The following CANX variants were observed in gnomAD, a reference collection of about 807,000 sequenced individuals.
CANX encodes epididymis secretory sperm binding protein.
CANX carries 14 observed loss-of-function variants against 75.7 expected under a neutral mutation model. That is an observed-to-expected ratio of 0.19 (90% CI 0.12 to 0.29). The LOEUF (loss-of-function observed/expected upper bound fraction) is 0.29. Among genes scored for constraint, CANX ranks in the 10% least tolerant of loss-of-function variants. The pLI is 1.00. For missense variants in CANX, 567 were observed against 713.2 expected (o/e 0.79, Z 2.34); for synonymous variants, 227 against 236.9 (o/e 0.96, Z 0.38).
At position 179,683,378 on chromosome 5, in the gene CANX, C is replaced by T. The variant is rs183273062; in HGVS notation, c.-4+4601C>T. Among the ~76,000 whole-genome samples the T allele has an allele frequency of 4.4e-3, 663 of 152,016 alleles. 1 individual carries two copies. The highest frequency in any genetic ancestry group is 6.8e-3 in the Middle Eastern group (2 of 294). On this transcript the variant is annotated intron_variant, in intron 1 of 14. Transcript: ENST00000681674. ...TCGATCTCCTGACCTTGTGATCCGC[C>T]CACCTCAGCCTCCCAAAGTGCTGGG...
At chr5:179,683,160 GCT>G (rs76622714) in intron 1 of CANX, among the ~76,000 whole-genome samples, 61,652 of 151,952 alleles carry the variant, frequency 0.41, 12,578 homozygotes, top group South Asian at 0.56. Flanking sequence ...ACGGAGTCTC[GCT>G]CTGTCGCACA....
At chr5:179,691,328 A>C (rs974396966) in intron 1 of CANX, among the ~76,000 whole-genome samples, 1 of 151,916 alleles carries the variant, frequency 6.6e-6, no homozygotes, top group East Asian at 1.9e-4. Flanking sequence ...CCTGGCCTAT[A>C]TACATTTAAA....
chr5:179,680,016 T>C (rs1268413573), intron 1 of CANX, among the ~76,000 whole-genome samples: 1 of 148,194 alleles, frequency 6.7e-6, no homozygotes, highest in East Asian at 2.0e-4. Context: ...TTTCACCTTA[T>C]TGGCCAGGCT....
At chr5:179,698,865 G>A (rs924805726), upstream of CANX, 3 of 1,085,062 alleles carry the variant, frequency 2.8e-6, no homozygotes, top group Admixed American at 4.0e-5. Context: ...CCGGATGTCG[G>A]GGCTTGCGCG....
chr5:179,679,371 TCTCAC>T (rs1177585805), intron 1 of CANX: 1 of 978,958 alleles, frequency 1.0e-6, no homozygotes, highest in East Asian at 2.7e-5. Context: ...TGCGGCTGTG[TCTCAC>T]CAGCTGCTGG....
intron 1 of CANX, chr5:179,700,920 T>G (rs1376979459): frequency 2.0e-5 from 3 of 150,810 alleles, no homozygotes; most frequent in Non-Finnish European, 4.4e-5. Flanking sequence ...TGGAGTGCAG[T>G]GGCGCGATCT....
intron 1 of CANX, among the ~76,000 whole-genome samples, chr5:179,703,361 G>A (rs908089384): frequency 3.9e-5 from 6 of 152,110 alleles, no homozygotes; most frequent in Non-Finnish European, 8.8e-5. Flanking sequence ...GCGGCTACAG[G>A]TGTGCGCCAC....
At chr5:179,727,696 C>T (rs1016208042) in intron 14 of CANX, among the ~76,000 whole-genome samples, 19 of 152,094 alleles carry the variant, frequency 1.2e-4, no homozygotes, top group African/African-American at 4.3e-4. Flanking sequence ...TTCCTATATA[C>T]CAGGGAGAAT....
At chr5:179,699,190 C>T (rs1776556160) in intron 1 of CANX, 88 bp downstream of exon 1, 1 of 820,134 alleles carries the variant, frequency 1.2e-6, no homozygotes, top group African/African-American at 1.8e-5. Context: ...TCGGGCGTGG[C>T]CGGCGACTGA....
At chr5:179,704,820 A>T (rs1368545175) in intron 1 of CANX, among the ~76,000 whole-genome samples, 1 of 152,164 alleles carries the variant, frequency 6.6e-6, no homozygotes, top group African/African-American at 2.4e-5. Context: ...TGGGCGACAG[A>T]GGGAGAATCC....
At chr5:179,682,305 G>A (rs1174046186) in intron 1 of CANX, among the ~76,000 whole-genome samples, 3 of 151,532 alleles carry the variant, frequency 2.0e-5, no homozygotes, top group Admixed American at 6.6e-5. Context: ...GGCCGGGCAC[G>A]GTGGCTCACG....
chr5:179,718,337 C>T (rs528454601), intron 8 of CANX, among the ~76,000 whole-genome samples: 18 of 151,922 alleles, frequency 1.2e-4, no homozygotes, highest in African/African-American at 1.9e-4. Flanking sequence ...CCACTGCACT[C>T]GTGCCTCACC....
intron 7 of CANX, among the ~76,000 whole-genome samples, chr5:179,713,783 A>C (rs979025938): frequency 6.6e-6 from 1 of 152,058 alleles, no homozygotes; most frequent in African/African-American, 2.4e-5. Context: ...GCTTGGTAGC[A>C]TGTACCTCTA....
chr5:179,708,057 G>A (rs1012565671), intron 4 of CANX, among the ~76,000 whole-genome samples, 182 bp from the exon 5 acceptor site: 1 of 152,032 alleles, frequency 6.6e-6, no homozygotes, highest in African/African-American at 2.4e-5. Context: ...GGCTGGTCTC[G>A]AACTCCTGAC....
chr5:179,680,952 G>A, intron 1 of CANX: 1 of 1,528,706 alleles, frequency 6.5e-7, no homozygotes, highest in Non-Finnish European at 8.8e-7. Context: ...TCTTCTCGGA[G>A]GATGTTTCCC....
chr5:179,723,440 A>C, intron 11 of CANX: 1 of 489,118 alleles, frequency 2.0e-6, no homozygotes, highest in Non-Finnish European at 3.6e-6. Flanking sequence ...GGTGATGTAG[A>C]AGCCAGCTTT....
At position 179,708,232 on chromosome 5, in the gene CANX, C is replaced by T; in HGVS notation, c.305-7C>T. 6.2e-7 allele frequency: 1 copy of T among 1,612,432 alleles called. No homozygotes were observed. The highest frequency in any genetic ancestry group is 2.2e-5 in the East Asian group (1 of 44,854). On this transcript the variant is annotated splice_region_variant and splice_polypyrimidine_tract_variant and intron_variant, in intron 4 of 14. Transcript: ENST00000247461. ...AAGCAGTGGAACTTTTTTGTGTTGT[C>T]TTGTAGGAAAGTGGGAGGTAGAGGA...
intron 1 of CANX, among the ~76,000 whole-genome samples, chr5:179,687,643 T>C (rs555332250): frequency 6.6e-6 from 1 of 152,292 alleles, no homozygotes; most frequent in East Asian, 1.9e-4. Context: ...CCCCAGAAGG[T>C]TGTCTGATGG....
At chr5:179,703,144 C>T (rs889489474) in intron 1 of CANX, among the ~76,000 whole-genome samples, 5 of 152,018 alleles carry the variant, frequency 3.3e-5, no homozygotes, top group Admixed American at 1.3e-4. Context: ...AATTCCTGAC[C>T]TCAGATGATC....
Sources: gnomAD v4.1 joint callset for allele counts (sites outside exome capture counted in the v4.1 genomes callset) on GRCh38, gnomAD v4.1.1 for gene constraint, MANE v1.5 for transcripts, NCBI Gene and HGNC (gene_info 2026-07-23, HGNC 2026-07-21) for gene names.